The following ARID1A variants were observed in gnomAD, a reference collection of about 807,000 sequenced individuals.
The protein encoded by ARID1A is AT-rich interaction domain 1A, also known as AT-rich interactive domain-containing protein 1A.
ARID1A carries 20 observed loss-of-function variants against 212.6 expected under a neutral mutation model. The observed-to-expected ratio is 0.09, with a 90% confidence interval of 0.07 to 0.14. The LOEUF is 0.14. Among genes scored for constraint, ARID1A ranks in the 10% least tolerant of loss-of-function variants. The pLI is 1.00. For missense variants in ARID1A, 2,587 were observed against 3,059.0 expected, an observed-to-expected ratio of 0.85 and a Z score of 3.64; for synonymous variants, 1,376 against 1,222.1, an observed-to-expected ratio of 1.13 and a Z score of -2.63.
At chr1:26,736,832 G>T (rs1279732957) in intron 4 of ARID1A, among the ~76,000 whole-genome samples, 1 of 150,252 alleles carries the variant, frequency 6.7e-6, no homozygotes, top group African/African-American at 2.5e-5. Flanking sequence ...AATCCAGGAG[G>T]CAGAGGTTGC....
chr1:26,763,225 A>C lies in ARID1A; in HGVS notation c.2672A>C (p.Asn891Thr), dbSNP rs2124070162. The change falls in exon 8 of 20, where the codon AAC becomes ACC. Residue 891 changes from asparagine (N) to threonine (T), a missense_variant. Physicochemically the swap from Asn to Thr is moderately conservative, Grantham distance 65. This residue lies in a region of ARID1A where 674 missense variants were observed against 813.4 expected (regional missense o/e 0.83). Transcript: ENST00000324856. The part of the protein sequence containing the change: ...SGMCPPPGGM[N>T]RKTQETAVAM... ...ATGTGTCCCCCACCAGGGGGCATGAACCGGAAAACCCAAGAAACTGCTGTC... is the reference window on the plus strand; with the variant it reads ...ATGTGTCCCCCACCAGGGGGCATGACCCGGAAAACCCAAGAAACTGCTGTC... 1.2e-6 allele frequency: 2 copies of C among 1,613,748 alleles called. No homozygotes were observed. The highest frequency in any genetic ancestry group is 1.7e-6 in the Non-Finnish European group (2 of 1,179,662).
intron 4 of ARID1A, among the ~76,000 whole-genome samples, chr1:26,751,548 G>C (rs1245879359): frequency 6.6e-6 from 1 of 152,216 alleles, no homozygotes; most frequent in East Asian, 1.9e-4. Context: ...CCTTGGGCAA[G>C]TCACTTCTGA....
chr1:26,721,526 A>G (rs576975492), intron 1 of ARID1A, among the ~76,000 whole-genome samples: 2 of 152,272 alleles, frequency 1.3e-5, no homozygotes, highest in East Asian at 3.9e-4. Flanking sequence ...GCAGTACCTG[A>G]AAGGATTTTT....
intron 1 of ARID1A, among the ~76,000 whole-genome samples, chr1:26,698,975 T>C (rs532399969): frequency 6.6e-6 from 1 of 152,336 alleles, no homozygotes; most frequent in South Asian, 2.1e-4. Context: ...AATTGAACTT[T>C]GGAATAGCAG....
At chr1:26,719,365 C>G (rs1468519555) in intron 1 of ARID1A, among the ~76,000 whole-genome samples, 2 of 152,234 alleles carry the variant, frequency 1.3e-5, no homozygotes, top group Non-Finnish European at 2.9e-5. Context: ...ATTTGGGAAT[C>G]TGAGGTGCAT....
At chr1:26,772,767 G>A (rs1174835441) in intron 13 of ARID1A, 45 bp from the exon 14 acceptor site, 1 of 1,607,440 alleles carries the variant, frequency 6.2e-7, no homozygotes, top group Non-Finnish European at 8.5e-7. Context: ...TTATATTGGA[G>A]GAATTGGTTT....
chr1:26,757,931 C>T lies in ARID1A; in HGVS notation c.1921-2925C>T, dbSNP rs2080957310. 3.3e-5 allele frequency among the ~76,000 whole-genome samples: 5 copies of T among 152,256 alleles called. No individual in the cohort carries two copies. In the South Asian group the frequency reaches 1.0e-3, roughly 32 times the overall value. On this transcript the variant is annotated intron_variant, in intron 4 of 19. Coordinates refer to ENST00000324856, the MANE Select transcript of ARID1A (RefSeq NM_006015.6). ...GGGATTACGGACATGAGCTACTGCG[C>T]CTGGCCAACATATAATTTTTCAAAG...
intron 4 of ARID1A, among the ~76,000 whole-genome samples, 159 bp from the exon 5 acceptor site, chr1:26,760,697 A>AT (rs890514165): frequency 5.0e-4 from 75 of 149,960 alleles, no homozygotes; most frequent in South Asian, 3.0e-3. Context: ...AAAAAAAAAA[A>AT]TTTTTTTTTT....
chr1:26,768,095 G>GA, intron 11 of ARID1A, 96 bp downstream of exon 11: 1 of 1,312,720 alleles, frequency 7.6e-7, no homozygotes, highest in Non-Finnish European at 1.1e-6. Flanking sequence ...ATCCCACAGG[G>GA]ACATCATCCC....
rs1040834731 is a variant in ARID1A, at chr1:26,775,086, T to G, written c.4859T>G (p.Val1620Gly). The G allele has an allele frequency of 2.5e-6, 4 of 1,608,238 alleles. No homozygotes were observed. Among genetic ancestry groups the G allele is most frequent in the Non-Finnish European group, 3.4e-6 (4 of 1,176,854 alleles). ...AAAATGCAGAAGGCAGGTCCCCCAG[T>G]ACCTGCCTCGCACATAGCACCTGCC... ...GMKMQKAGPP[V>G]PASHIAPAPV... The change falls in exon 18 of 20, where the codon GTA becomes GGA. Residue 1620 changes from valine to glycine, a missense_variant. Around this residue, in one of 11 missense-constraint regions of ARID1A, gnomAD observed 890 missense variants for 1,098.2 expected, o/e 0.81. Transcript: ENST00000324856.
chr1:26,766,877 C>T (rs1027736249), intron 10 of ARID1A, among the ~76,000 whole-genome samples: 16 of 152,156 alleles, frequency 1.1e-4, no homozygotes, highest in African/African-American at 3.4e-4. Context: ...TCTGTGAAAC[C>T]GTGCCTCCTA....
In ARID1A at chr1:26,779,727, T is replaced by C. The variant is rs2081173352; in HGVS notation, c.5829T>C (p.Ile1943=). 1 of 1,613,938 alleles carries C rather than the reference T, an allele frequency of 6.2e-7. No individual in the cohort carries two copies. Among genetic ancestry groups the C allele is most frequent in the Non-Finnish European group, 8.5e-7 (1 of 1,180,016 alleles). ...AGAGCAGCAAGTTTCCATTTGGCATTAGCCCAGCACAGAGCCACCGGAACA... is the reference window on the plus strand; with the variant it reads ...AGAGCAGCAAGTTTCCATTTGGCATCAGCCCAGCACAGAGCCACCGGAACA... ...IKESSKFPFG[I]SPAQSHRNIK... is the part of the protein sequence containing the mutation. Residue 1943 remains isoleucine, a synonymous_variant, in exon 20 of 20, where the codon ATT becomes ATC. Transcript: ENST00000324856.
At chr1:26,753,739 A>G (rs538049415) in intron 4 of ARID1A, among the ~76,000 whole-genome samples, 23 of 151,856 alleles carry the variant, frequency 1.5e-4, no homozygotes, top group Non-Finnish European at 2.6e-4. Context: ...GCATTGCTAC[A>G]GTTATTTCCG....
At chr1:26,768,998 C>G (rs938903703) in intron 11 of ARID1A, among the ~76,000 whole-genome samples, 2 of 152,206 alleles carry the variant, frequency 1.3e-5, no homozygotes, top group African/African-American at 4.8e-5. Context: ...AATTCCTTCT[C>G]CCTTCAGGCT....
intron 4 of ARID1A, among the ~76,000 whole-genome samples, chr1:26,746,500 A>ATAC (rs1263741242): frequency 2.0e-5 from 3 of 152,216 alleles, no homozygotes; most frequent in African/African-American, 7.2e-5. Flanking sequence ...CCACCCAGAA[A>ATAC]TACTATCTTT....
In ARID1A at chr1:26,697,333, C is replaced by G; in HGVS notation, c.930C>G (p.Gly310=). The part of the protein sequence containing the change: ...TSPSSARGYQ[G]YPGGDYSGGP... ...CCAGCTCGGCCCGGGGCTACCAGGGCTACCCCGGGGGCGACTACAGTGGCG... is the reference window on the plus strand; with the variant it reads ...CCAGCTCGGCCCGGGGCTACCAGGGGTACCCCGGGGGCGACTACAGTGGCG... The change falls in exon 1 of 20, where the codon GGC becomes GGG. Residue 310 remains glycine (G), a synonymous_variant. Coordinates refer to ENST00000324856, the MANE Select transcript of ARID1A (RefSeq NM_006015.6). 7.5e-7 allele frequency: 1 copy of G among 1,336,308 alleles called. No individual in the cohort carries two copies. The highest frequency in any genetic ancestry group is 9.5e-7 in the Non-Finnish European group (1 of 1,050,298). 82.8% of individuals were successfully genotyped at this position (1,336,308 alleles called of 1,614,324 possible).
Position 26,781,654 on chromosome 1 carries a change from A to G in ARID1A, c.*898A>G, listed in dbSNP as rs1184076490. On this transcript the variant is annotated 3_prime_UTR_variant, in exon 20 of 20. Coordinates refer to ENST00000324856, the MANE Select transcript of ARID1A (RefSeq NM_006015.6). ...ACATTGCACATACCCTTGGATCCCC[A>G]CAGTTTGGTCCTCCTCCCAGCTACC... The G allele has an allele frequency of 4.3e-6, 1 of 233,588 alleles. No homozygotes were observed. The highest frequency in any genetic ancestry group is 8.5e-6 in the Non-Finnish European group (1 of 118,050). 14.5% of individuals were successfully genotyped at this position (233,588 alleles called of 1,614,324 possible).
Position 26,771,093 on chromosome 1 carries a change from T to G in ARID1A, c.3199-26T>G. Reference sequence around the variant, plus strand: ...AGGAAAACCAGGCGGGAGATATACCTCGACTCCTTTGGTTTGGTTATACAG... The same window carrying G: ...AGGAAAACCAGGCGGGAGATATACCGCGACTCCTTTGGTTTGGTTATACAG... On this transcript the variant is annotated intron_variant, in intron 11 of 19. Coordinates refer to ENST00000324856, the MANE Select transcript of ARID1A (RefSeq NM_006015.6). This position sits in a 1 kb window ranked among gnomAD's most constrained non-coding sequence, Gnocchi z 5.4. The G allele has an allele frequency of 6.2e-7, 1 of 1,612,234 alleles. No individual in the cohort carries two copies. Among genetic ancestry groups the G allele is most frequent in the Non-Finnish European group, 8.5e-7 (1 of 1,178,292 alleles).
intron 11 of ARID1A, among the ~76,000 whole-genome samples, chr1:26,768,357 TATAAC>T (rs369169000): frequency 2.6e-5 from 4 of 152,348 alleles, no homozygotes; most frequent in Non-Finnish European, 2.9e-5. Context: ...CTTGGCCACT[TATAAC>T]ATATATGACC....
Sources: allele counts gnomAD v4.1 joint callset (sites outside exome capture counted in the v4.1 genomes callset), GRCh38; gene constraint gnomAD v4.1.1; regional missense constraint gnomAD v4.1.1; non-coding constraint Gnocchi (gnomAD v3.1); transcripts MANE v1.5; gene names NCBI Gene and HGNC (gene_info 2026-07-23, HGNC 2026-07-21).